PRKCZ: variants seen among roughly 807,000 people sequenced by gnomAD.
PRKCZ encodes the protein protein kinase C zeta type.
In PRKCZ, 33 loss-of-function variants were observed where a neutral mutation model predicts 79.5. The ratio of observed to expected loss-of-function variants is 0.41; its 90% CI spans 0.31 to 0.55. The LOEUF (loss-of-function observed/expected upper bound fraction) is 0.55, where lower values mean the gene tolerates loss of function less well. PRKCZ is among the 20% of genes least tolerant of loss of function. The pLI, the probability that PRKCZ is intolerant of heterozygous loss-of-function variation, is 0.19. For missense variants in PRKCZ, 578 were observed against 813.5 expected (o/e 0.71, Z 3.52); for synonymous variants, 342 against 320.9 (o/e 1.07, Z -0.70).
Position 2,168,691 on chromosome 1 carries a change from A to G in PRKCZ, c.975-827A>G, listed in dbSNP as rs528830033. On this transcript the variant is annotated intron_variant, in intron 10 of 17. Transcript: ENST00000378567. This position sits in a 1 kb window ranked among gnomAD's most constrained non-coding sequence, Gnocchi z 4.7. ...TTGCGTGGGATCGAAGGAAACGGGC[A>G]GAGTCACCACACGCTTCCCTCCTTC... Among the ~76,000 whole-genome samples, 3 of 152,212 alleles carry G rather than the reference A, an allele frequency of 2.0e-5. No individual in the cohort carries two copies. Among genetic ancestry groups the G allele is most frequent in the Admixed American group, 6.5e-5 (1 of 15,286 alleles).
chr1:2,059,972 G>A lies in PRKCZ; in HGVS notation c.334+381G>A, dbSNP rs117922571. Among the ~76,000 whole-genome samples, 125 of 152,264 alleles carry A rather than the reference G, an allele frequency of 8.2e-4. 1 individual carries two copies. The East Asian group carries it at 0.016, about 19-fold the overall frequency. ...TCCCTGCTGGCCCCTGAGCTGGTGT[G>A]GGGGCTCCGTTCATCCCACACTGGC... is the stretch of plus-strand genomic sequence containing the variant. On this transcript the variant is annotated intron_variant, in intron 4 of 17. Coordinates refer to ENST00000378567, the MANE Select transcript of PRKCZ (RefSeq NM_002744.6).
chr1:2,056,729 CTT>C (rs1213314980), intron 3 of PRKCZ, among the ~76,000 whole-genome samples, 156 bp downstream of exon 3: 12 of 136,750 alleles, frequency 8.8e-5, no homozygotes, highest in Non-Finnish European at 9.5e-5. Context: ...TTTTCTTTGA[CTT>C]TTTTTTTTTT....
Position 2,184,567 on chromosome 1 carries a change from C to G in PRKCZ, c.1576-16C>G. 6.2e-7 allele frequency: 1 copy of G among 1,609,524 alleles called. No homozygotes were observed. Among genetic ancestry groups the G allele is most frequent in the South Asian group, 1.1e-5 (1 of 90,770 alleles). Reference sequence around the variant, plus strand: ...TGCCCGCGCGGAGCTGACCCTTCTCCTATTGTTTTTCCAAGCTGGAGAAGA... The same window carrying G: ...TGCCCGCGCGGAGCTGACCCTTCTCGTATTGTTTTTCCAAGCTGGAGAAGA... On this transcript the variant is annotated splice_polypyrimidine_tract_variant and intron_variant, in intron 16 of 17. Coordinates refer to ENST00000378567, the MANE Select transcript of PRKCZ (RefSeq NM_002744.6).
intron 4 of PRKCZ, among the ~76,000 whole-genome samples, chr1:2,114,641 G>T (rs1359843816): frequency 6.6e-6 from 1 of 152,186 alleles, no homozygotes; most frequent in Non-Finnish European, 1.5e-5. Flanking sequence ...GAGTGTGGTG[G>T]TGGACACCTG....
intron 3 of PRKCZ, among the ~76,000 whole-genome samples, chr1:2,058,360 C>T (rs555168324): frequency 8.9e-5 from 13 of 146,044 alleles, no homozygotes; most frequent in African/African-American, 3.1e-4. Context: ...CACCTGTAGT[C>T]CCAGTTACTC....
intron 4 of PRKCZ, among the ~76,000 whole-genome samples, chr1:2,097,250 G>A (rs933317684): frequency 1.3e-5 from 2 of 152,232 alleles, no homozygotes; most frequent in African/African-American, 4.8e-5. Context: ...CTGTCGTCCG[G>A]TGCAGGCCAC....
intron 4 of PRKCZ, chr1:2,074,871 A>C (rs938954312): frequency 2.6e-5 from 4 of 151,446 alleles, no homozygotes; most frequent in Admixed American, 6.6e-5. Context: ...TTAAAAAAAA[A>C]AACAACAAAA....
rs1347012492 is a variant in PRKCZ, at chr1:2,125,205, AC to A, written c.335-10056del. ...AGTGAATCCAGAAAAAAAATTTCTT[AC>A]ATAGAAAGGAGCGGTATTTGGTATG... is the stretch of plus-strand genomic sequence containing the variant. On this transcript the variant is annotated intron_variant, in intron 4 of 17. Coordinates refer to ENST00000378567, the MANE Select transcript of PRKCZ (RefSeq NM_002744.6). This position sits in a 1 kb window ranked among gnomAD's most constrained non-coding sequence, Gnocchi z 4.2. Among the ~76,000 whole-genome samples the A allele has an allele frequency of 6.6e-6, 1 of 152,192 alleles. No homozygotes were observed. Among genetic ancestry groups the A allele is most frequent in the Non-Finnish European group, 1.5e-5 (1 of 68,024 alleles).
intron 3 of PRKCZ, among the ~76,000 whole-genome samples, chr1:2,058,616 C>T (rs989469029): frequency 1.3e-5 from 2 of 152,118 alleles, no homozygotes; most frequent in Non-Finnish European, 2.9e-5. Context: ...AAAAATAGGG[C>T]TGGGTTCAGT....
intron 4 of PRKCZ, chr1:2,074,630 T>A (rs1360210653): frequency 2.4e-6 from 1 of 414,022 alleles, no homozygotes; most frequent in African/African-American, 2.0e-5. Context: ...TGAGCCCCCG[T>A]TTTGCATTGA....
At chr1:2,069,145 AC>A (rs1661358600) in intron 4 of PRKCZ, among the ~76,000 whole-genome samples, 1 of 147,018 alleles carries the variant, frequency 6.8e-6, no homozygotes, top group African/African-American at 2.5e-5. Flanking sequence ...AACCAATGCG[AC>A]CCCCGGCACC....
At chr1:2,062,493 T>C (rs1413985593) in intron 4 of PRKCZ, among the ~76,000 whole-genome samples, 1 of 151,400 alleles carries the variant, frequency 6.6e-6, no homozygotes, top group Non-Finnish European at 1.5e-5. Flanking sequence ...TTTTTTTTTT[T>C]TTTTTTTGGC....
At chr1:2,077,072 G>A (rs1662560435) in intron 4 of PRKCZ, among the ~76,000 whole-genome samples, 1 of 152,164 alleles carries the variant, frequency 6.6e-6, no homozygotes. Flanking sequence ...CAGGAGAGGC[G>A]AGACACCAAG....
chr1:2,135,266 T>G lies in PRKCZ; in HGVS notation c.339T>G (p.Ser113=), dbSNP rs368280751. The G allele has an allele frequency of 1.9e-6, 3 of 1,612,092 alleles. No individual in the cohort carries two copies. The highest frequency in any genetic ancestry group is 1.7e-6 in the Non-Finnish European group (2 of 1,178,968). ...CCTTTCTCATATCCTTTCCAGAATC[T>G]ATCTACCGCCGGGGAGCCAGAAGAT... ...PGLPCPGEDK[S]IYRRGARRWR... is the part of the protein sequence containing the mutation. Residue 113 remains serine (S), a synonymous_variant, in exon 5 of 18, where the codon TCT becomes TCG. Transcript: ENST00000378567.
rs1684597969 is a variant in PRKCZ at position 2,172,327 on chromosome 1, G to A, written c.1224G>A (p.Thr408=). ...CKEGLGPGDT[T]STFCGTPNYI... ...AAGGCCTGGGCCCTGGTGACACAAC[G>A]AGCACTTTCTGCGGAACCCCGAATT... is the stretch of plus-strand genomic sequence containing the variant. The change falls in exon 13 of 18, where the codon ACG becomes ACA. Residue 408 remains threonine, a synonymous_variant. Coordinates refer to ENST00000378567, the MANE Select transcript of PRKCZ (RefSeq NM_002744.6). The surrounding 1 kb of genome is among the most constrained non-coding windows in gnomAD (Gnocchi z 7.8). 13 of 1,613,578 alleles carry A rather than the reference G, an allele frequency of 8.1e-6. No homozygotes were observed. In the East Asian group the frequency reaches 8.9e-5, roughly 11 times the overall value.
At chr1:2,051,469 C>T (rs1299052395) in intron 1 of PRKCZ, among the ~76,000 whole-genome samples, 2 of 152,212 alleles carry the variant, frequency 1.3e-5, no homozygotes, top group African/African-American at 4.8e-5. Flanking sequence ...TTTGTTCTTC[C>T]ACCTGTGCGC....
chr1:2,055,604 G>A, intron 2 of PRKCZ, 42 bp downstream of exon 2: 1 of 1,590,832 alleles, frequency 6.3e-7, no homozygotes, highest in Non-Finnish European at 8.6e-7. Context: ...CAGCCTCAGG[G>A]GACTTCGCCA....
At chr1:2,061,668 G>T (rs1660688059) in intron 4 of PRKCZ, among the ~76,000 whole-genome samples, 1 of 152,188 alleles carries the variant, frequency 6.6e-6, no homozygotes, top group South Asian at 2.1e-4. Flanking sequence ...GGTGCTGGGG[G>T]TGGGGAGCCC....
intron 1 of PRKCZ, among the ~76,000 whole-genome samples, chr1:2,053,237 A>G (rs936453493): frequency 6.6e-6 from 1 of 151,870 alleles, no homozygotes; most frequent in Non-Finnish European, 1.5e-5. Flanking sequence ...AGTATCTAGG[A>G]CTACAGACGC....
Sources: gnomAD v4.1 joint callset for allele counts (sites outside exome capture counted in the v4.1 genomes callset) on GRCh38, gnomAD v4.1.1 for gene constraint, Gnocchi (gnomAD v3.1) non-coding constraint, MANE v1.5 for transcripts, NCBI Gene and HGNC (gene_info 2026-07-23, HGNC 2026-07-21) for gene names.